RTTN: variants seen among roughly 807,000 people sequenced by gnomAD.
The protein encoded by RTTN is rotatin.
RTTN carries 182 observed loss-of-function variants against 269.2 expected under a neutral mutation model. That is an observed-to-expected ratio of 0.68 (90% CI 0.60 to 0.76). The LOEUF (loss-of-function observed/expected upper bound fraction) is 0.76, where lower values mean the gene tolerates loss of function less well. RTTN is among the 30% of genes least tolerant of loss of function. RTTN has a pLI of 0.00. For missense variants in RTTN, 2,545 were observed against 2,608.6 expected, an observed-to-expected ratio of 0.98 and a Z score of 0.53; for synonymous variants, 1,006 against 963.5, an observed-to-expected ratio of 1.04 and a Z score of -0.82.
Position 70,121,519 on chromosome 18 carries a change from C to T in RTTN, c.3528+37G>A, listed in dbSNP as rs200729062. ...AATGATTTCTACAAATAAGTTATTT[C>T]CCAAACTTAAAATCCAAATTCCTTA... On this transcript the variant is annotated intron_variant, in intron 26 of 48. Coordinates refer to ENST00000640769, the MANE Select transcript of RTTN (RefSeq NM_173630.4). 266 of 1,475,084 alleles carry T rather than the reference C, an allele frequency of 1.8e-4. 2 individuals carry two copies. The highest frequency in any genetic ancestry group is 7.4e-5 in the Admixed American group (3 of 40,738). The allele number at this position is 1,475,084 out of a possible 1,614,324, so 91.4% of individuals were successfully genotyped here.
At chr18:70,177,337 A>G (rs1034933276) in intron 10 of RTTN, among the ~76,000 whole-genome samples, 2 of 152,244 alleles carry the variant, frequency 1.3e-5, no homozygotes, top group African/African-American at 4.8e-5. Flanking sequence ...TGCATCAAGG[A>G]AAGTCAAATA....
intron 11 of RTTN, among the ~76,000 whole-genome samples, chr18:70,169,780 T>G (rs2061089739): frequency 6.6e-6 from 1 of 152,166 alleles, no homozygotes; most frequent in South Asian, 2.1e-4. Flanking sequence ...TGTGACAGGA[T>G]TCTAAATATC....
intron 34 of RTTN, among the ~76,000 whole-genome samples, chr18:70,066,689 G>A (rs773316430): frequency 2.0e-4 from 31 of 152,114 alleles, no homozygotes; most frequent in Non-Finnish European, 3.5e-4. Flanking sequence ...ATCAGTACAT[G>A]CAACACAACA....
At chr18:70,092,882 G>T in intron 28 of RTTN, 78 bp from the exon 29 acceptor site, 1 of 1,263,296 alleles carries the variant, frequency 7.9e-7, no homozygotes, top group Non-Finnish European at 1.1e-6. Flanking sequence ...ACTGTCTACT[G>T]ACTTGTATGA....
At position 70,092,781 on chromosome 18, in the gene RTTN, C is replaced by T. The variant is rs146752708; in HGVS notation, c.3927G>A (p.Glu1309=). ...TGAAGGACATAGCATTTCCTCCACG[C>T]TCCACATAAAAAGAAGTAATGACCT... ...LLEVITSFYV[E]RGGNAMSFMG... is the part of the protein sequence containing the mutation. The change falls in exon 29 of 49, where the codon GAG becomes GAA. Residue 1309 remains glutamate, a synonymous_variant. Transcript: ENST00000640769. 192 of 1,609,818 alleles carry T rather than the reference C, an allele frequency of 1.2e-4. 1 individual carries two copies. The East Asian group carries it at 4.2e-3, about 36-fold the overall frequency.
At chr18:70,025,180 G>A (rs917420431) in intron 43 of RTTN, among the ~76,000 whole-genome samples, 2 of 152,208 alleles carry the variant, frequency 1.3e-5, no homozygotes, top group Non-Finnish European at 2.9e-5. Context: ...AACTGGCCAA[G>A]AAGTGAGAAT....
At chr18:70,038,885 T>C (rs749390332) in intron 40 of RTTN, among the ~76,000 whole-genome samples, 60 of 152,262 alleles carry the variant, frequency 3.9e-4, no homozygotes, top group Middle Eastern at 3.4e-3. Context: ...GAGATTTAAA[T>C]AATTAAGAAG....
rs377565653 is a variant in RTTN, at chr18:70,196,473, T to C, written c.841+28A>G. The C allele has an allele frequency of 3.2e-6, 5 of 1,583,634 alleles. No individual in the cohort carries two copies. In the African/African-American group the frequency reaches 6.8e-5, roughly 22 times the overall value. On this transcript the variant is annotated intron_variant, in intron 7 of 48. Transcript: ENST00000640769. ...CAGAAGAATCTACAAATAACACCAG[T>C]GGCTAATGAACAGATAAAAATAAAT...
At chr18:70,189,627 C>A (rs1224037704) in intron 9 of RTTN, among the ~76,000 whole-genome samples, 1 of 152,174 alleles carries the variant, frequency 6.6e-6, no homozygotes, top group Non-Finnish European at 1.5e-5. Flanking sequence ...CAAGTCCCTG[C>A]TTTTAGCCGT....
Position 70,075,475 on chromosome 18 carries a change from A to G in RTTN, c.4441T>C (p.Leu1481=), listed in dbSNP as rs2058403584. The change falls in exon 33 of 49, where the codon TTA becomes CTA. Residue 1481 remains leucine, a synonymous_variant. Coordinates refer to ENST00000640769, the MANE Select transcript of RTTN (RefSeq NM_173630.4). ...TGTTCATAAAAATGGCAGTGATATA[A>G]AAGAGCCTGAAGGGCAGGTTTTCCA... ...LIGKPALQAL[L]YHCHFYEHLN... 6.2e-7 allele frequency: 1 copy of G among 1,608,856 alleles called. No homozygotes were observed.
At chr18:70,030,770 C>T in intron 41 of RTTN, 106 bp downstream of exon 41, 1 of 774,154 alleles carries the variant, frequency 1.3e-6, no homozygotes, top group Non-Finnish European at 2.1e-6. Flanking sequence ...TGAGATTATA[C>T]TATACGTTTT....
intron 27 of RTTN, among the ~76,000 whole-genome samples, chr18:70,113,093 G>A (rs112793608): frequency 0.025 from 3,840 of 152,180 alleles, 165 homozygotes; most frequent in African/African-American, 0.086. Flanking sequence ...AATGAAGGCA[G>A]AAATAAAGAT....
intron 9 of RTTN, among the ~76,000 whole-genome samples, chr18:70,189,649 C>G (rs561488300): frequency 8.5e-5 from 13 of 152,230 alleles, no homozygotes; most frequent in Admixed American, 5.9e-4. Context: ...TGACTTCAGG[C>G]AAGTTTCTAA....
chr18:70,115,384 T>TA (rs910619294), intron 26 of RTTN, among the ~76,000 whole-genome samples: 17 of 145,974 alleles, frequency 1.2e-4, no homozygotes, highest in South Asian at 4.3e-4. Flanking sequence ...TTTTCCCAAC[T>TA]AAAAAAAAAA....
intron 21 of RTTN, among the ~76,000 whole-genome samples, chr18:70,137,628 A>G (rs183214787): frequency 2.4e-4 from 36 of 151,994 alleles, no homozygotes; most frequent in African/African-American, 8.4e-4. Context: ...AAACACATCA[A>G]TTTCTCATAC....
Position 70,096,965 on chromosome 18 carries a change from G to T in RTTN, c.3904-4161C>A, listed in dbSNP as rs181060071. On this transcript the variant is annotated intron_variant, in intron 28 of 48. Transcript: ENST00000640769. ...TACTTGAAAAATAAAATATCTAAAT[G>T]ATCAGATCCTTATTATCTTCCTCTA... 1.6e-3 allele frequency among the ~76,000 whole-genome samples: 238 copies of T among 152,258 alleles called. 1 individual carries two copies. Among genetic ancestry groups the T allele is most frequent in the Middle Eastern group, 6.8e-3 (2 of 294 alleles).
At chr18:70,151,757 T>A (rs1004238116) in intron 14 of RTTN, among the ~76,000 whole-genome samples, 3 of 152,160 alleles carry the variant, frequency 2.0e-5, no homozygotes, top group Non-Finnish European at 4.4e-5. Flanking sequence ...CAAGATTTAC[T>A]TCCTAAAATT....
chr18:70,050,775 A>G (rs2057640015), intron 39 of RTTN, among the ~76,000 whole-genome samples: 1 of 152,254 alleles, frequency 6.6e-6, no homozygotes, highest in African/African-American at 2.4e-5. Flanking sequence ...CCTTTCAGGT[A>G]CACGGATGAA....
Position 70,004,040 on chromosome 18 carries a change from C to A in RTTN, c.*111G>T, listed in dbSNP as rs1057487651. 5 of 747,880 alleles carry A rather than the reference C, an allele frequency of 6.7e-6. No homozygotes were observed. The African/African-American group carries it at 8.7e-5, about 13-fold the overall frequency. The allele number at this position is 747,880 out of a possible 1,614,324, so 46.3% of individuals were successfully genotyped here. ...CTCATGGGAAAGAAGGGGATCAACA[C>A]TTTGTAGAGAGGTAGCACGTCTTCA... On this transcript the variant is annotated 3_prime_UTR_variant, in exon 49 of 49. Transcript: ENST00000640769.
Sources: gnomAD v4.1 joint callset for allele counts (sites outside exome capture counted in the v4.1 genomes callset) on GRCh38, gnomAD v4.1.1 for gene constraint, MANE v1.5 for transcripts, NCBI Gene and HGNC (gene_info 2026-07-23, HGNC 2026-07-21) for gene names.